The following C12orf56 variants were observed in gnomAD, a reference collection of about 807,000 sequenced individuals.
C12orf56 encodes the protein chromosome 12 open reading frame 56, also known as uncharacterized protein C12orf56.
A neutral mutation model predicts 69.9 loss-of-function variants in C12orf56; 71 were observed. The observed-to-expected ratio is 1.02, with a 90% CI of 0.84 to 1.24. C12orf56 has a LOEUF of 1.24. Ranked by LOEUF, C12orf56 falls within the 50% of genes most tolerant of loss-of-function variation. C12orf56 has a pLI of 0.00. For synonymous variants in C12orf56, 276 were observed against 274.1 expected (o/e 1.01, Z -0.07); for missense variants, 732 against 738.5 (o/e 0.99, Z 0.10).
chr12:64,339,907 G>C (rs1333592502), intron 2 of C12orf56, among the ~76,000 whole-genome samples: 1 of 151,984 alleles, frequency 6.6e-6, no homozygotes, highest in Non-Finnish European at 1.5e-5. Flanking sequence ...TAAATATATA[G>C]AGCCCAATGT....
chr12:64,341,712 G>C (rs957855541), intron 2 of C12orf56, among the ~76,000 whole-genome samples: 1 of 152,154 alleles, frequency 6.6e-6, no homozygotes, highest in East Asian at 1.9e-4. Flanking sequence ...ATTCTGATGA[G>C]GACAAACCTC....
At chr12:64,282,190 T>C (rs1330065357) in intron 8 of C12orf56, among the ~76,000 whole-genome samples, 1 of 152,122 alleles carries the variant, frequency 6.6e-6, no homozygotes, top group Non-Finnish European at 1.5e-5. Context: ...ACCTTGTCTC[T>C]ACAAAAAAAT....
At chr12:64,385,297 C>T (rs962086022) in intron 1 of C12orf56, among the ~76,000 whole-genome samples, 1 of 152,186 alleles carries the variant, frequency 6.6e-6, no homozygotes, top group African/African-American at 2.4e-5. Flanking sequence ...CTCACTTGTA[C>T]CCTTCTTCAA....
chr12:64,323,246 G>A (rs564228970), intron 3 of C12orf56, among the ~76,000 whole-genome samples: 8 of 152,212 alleles, frequency 5.3e-5, no homozygotes, highest in African/African-American at 7.2e-5. Context: ...TCTAAATTCC[G>A]TTCTTACCAT....
intron 1 of C12orf56, among the ~76,000 whole-genome samples, chr12:64,354,953 C>CT (rs2039288401): frequency 6.6e-6 from 1 of 151,252 alleles, no homozygotes; most frequent in African/African-American, 2.4e-5. Flanking sequence ...TGGTGCATGC[C>CT]TGTAGTCACA....
intron 1 of C12orf56, among the ~76,000 whole-genome samples, chr12:64,362,351 A>G (rs759883211): frequency 1.3e-5 from 2 of 152,174 alleles, no homozygotes; most frequent in African/African-American, 2.4e-5. Context: ...GGCACAAGAA[A>G]GAATTCAGGG....
At chr12:64,338,129 A>G in intron 2 of C12orf56, 7 of 506,516 alleles carry the variant, frequency 1.4e-5, no homozygotes, top group South Asian at 1.1e-4. Flanking sequence ...AAGCTTCCAC[A>G]TCACAGCAGG....
At chr12:64,382,783 G>A (rs1468399386) in intron 1 of C12orf56, among the ~76,000 whole-genome samples, 4 of 149,520 alleles carry the variant, frequency 2.7e-5, no homozygotes, top group Non-Finnish European at 5.9e-5. Flanking sequence ...TGGGGCAGGC[G>A]AATGGTGTGA....
rs1555188252 is a variant in C12orf56 at position 64,308,940 on chromosome 12, GAAGAAAGA to G, written c.968+3731_968+3738del. ...AGAAAGAAAGAAAGAAAGAAAGAAA[GAAGAAAGA>G]AAGAAAGAAAGAAAGAAAGAAAGAA... On this transcript the variant is annotated intron_variant, in intron 5 of 12. Coordinates refer to ENST00000543942, the MANE Select transcript of C12orf56 (RefSeq NM_001170633.2). Among the ~76,000 whole-genome samples, 67 of 80,874 alleles carry G rather than the reference GAAGAAAGA, an allele frequency of 8.3e-4. 3 individuals carry two copies. Among genetic ancestry groups the G allele is most frequent in the African/African-American group, 1.9e-3 (42 of 21,794 alleles). 53.1% of individuals were successfully genotyped at this position (80,874 alleles called of 152,430 possible).
intron 5 of C12orf56, among the ~76,000 whole-genome samples, chr12:64,304,800 T>G (rs1332845914): frequency 6.6e-6 from 1 of 152,166 alleles, no homozygotes; most frequent in Non-Finnish European, 1.5e-5. Flanking sequence ...TGGGAATTAC[T>G]AACGCATTTT....
chr12:64,297,296 G>T (rs1227957090), intron 6 of C12orf56, among the ~76,000 whole-genome samples: 1 of 152,124 alleles, frequency 6.6e-6, no homozygotes, highest in Non-Finnish European at 1.5e-5. Flanking sequence ...AGAACATAAG[G>T]CTACTGGGTT....
chr12:64,352,116 G>GTTTTT (rs55635010), intron 2 of C12orf56, among the ~76,000 whole-genome samples: 1 of 147,206 alleles, frequency 6.8e-6, no homozygotes, highest in Non-Finnish European at 1.5e-5. Flanking sequence ...TTTTTTTTTT[G>GTTTTT]TTTTTTTTTT....
intron 2 of C12orf56, among the ~76,000 whole-genome samples, chr12:64,345,091 A>C (rs1362099767): frequency 3.9e-5 from 6 of 152,164 alleles, no homozygotes; most frequent in Non-Finnish European, 8.8e-5. Flanking sequence ...TGTTTAAAAA[A>C]ATTAGAAAAC....
At chr12:64,267,660 A>G (rs2037933208) in intron 12 of C12orf56, 2 of 180,664 alleles carry the variant, frequency 1.1e-5, no homozygotes, top group South Asian at 2.7e-4. Context: ...AGTAGAACTC[A>G]TCCCCCACGG....
intron 3 of C12orf56, among the ~76,000 whole-genome samples, chr12:64,325,454 A>AGGT (rs2038826881): frequency 6.6e-6 from 1 of 152,172 alleles, no homozygotes; most frequent in African/African-American, 2.4e-5. Context: ...TCAAGCCCCT[A>AGGT]CAGTCTATTT....
At chr12:64,276,683 T>G (rs1328419144) in intron 9 of C12orf56, among the ~76,000 whole-genome samples, 1 of 152,160 alleles carries the variant, frequency 6.6e-6, no homozygotes. Flanking sequence ...TTGCTCATAA[T>G]AGATGCTCAA....
chr12:64,356,688 T>A (rs892463167), intron 1 of C12orf56, among the ~76,000 whole-genome samples: 3 of 152,132 alleles, frequency 2.0e-5, no homozygotes, highest in African/African-American at 7.2e-5. Flanking sequence ...GGGGAACAGA[T>A]GTGAACTACT....
chr12:64,269,092 A>T (rs1028506815), intron 12 of C12orf56, among the ~76,000 whole-genome samples: 12 of 151,722 alleles, frequency 7.9e-5, no homozygotes, highest in Admixed American at 7.2e-4. Flanking sequence ...ATAAGCCGAG[A>T]TCACAGCACT....
At chr12:64,283,646 C>T (rs796521467) in intron 8 of C12orf56, among the ~76,000 whole-genome samples, 1 of 138,778 alleles carries the variant, frequency 7.2e-6, no homozygotes, top group Non-Finnish European at 1.5e-5. Flanking sequence ...GCTTCTCTCT[C>T]TTTTTTTTTT....
Sources: allele counts gnomAD v4.1 joint callset (sites outside exome capture counted in the v4.1 genomes callset), GRCh38; gene constraint gnomAD v4.1.1; transcripts MANE v1.5; gene names NCBI Gene and HGNC (gene_info 2026-07-23, HGNC 2026-07-21).